MARCHF4: variants seen among roughly 807,000 people sequenced by gnomAD.
MARCHF4 encodes membrane associated ring-CH-type finger 4, also known as E3 ubiquitin-protein ligase MARCHF4.
Under a neutral mutation model 43.9 loss-of-function variants are expected in MARCHF4, and 14 were observed. The ratio of observed to expected loss-of-function variants is 0.32; its 90% CI spans 0.21 to 0.50. The LOEUF (loss-of-function observed/expected upper bound fraction) is 0.50, where lower values mean the gene tolerates loss of function less well. MARCHF4 is among the 20% of genes least tolerant of loss of function. MARCHF4 has a pLI of 0.98. For synonymous variants in MARCHF4, 226 were observed against 213.3 expected (o/e 1.06, Z -0.52); for missense variants, 468 against 536.7 (o/e 0.87, Z 1.27).
At chr2:216,336,000 G>T (rs552493454) in intron 1 of MARCHF4, among the ~76,000 whole-genome samples, 95 of 150,272 alleles carry the variant, frequency 6.3e-4, no homozygotes, top group Middle Eastern at 6.8e-3. Context: ...CCAGTGAGGT[G>T]GAGGTTGCAG....
intron 1 of MARCHF4, among the ~76,000 whole-genome samples, chr2:216,333,302 C>G (rs73066464): frequency 0.075 from 11,398 of 152,252 alleles, 531 homozygotes; most frequent in South Asian, 0.12. Context: ...CAAAAAGAGA[C>G]AGCTAACCCT....
At chr2:216,364,514 T>C (rs1692635633) in intron 1 of MARCHF4, among the ~76,000 whole-genome samples, 1 of 152,186 alleles carries the variant, frequency 6.6e-6, no homozygotes, top group Non-Finnish European at 1.5e-5. Flanking sequence ...TCAAGGAACC[T>C]CACCTCTCTT....
At chr2:216,264,990 G>A (rs1690821695) in intron 3 of MARCHF4, among the ~76,000 whole-genome samples, 1 of 152,170 alleles carries the variant, frequency 6.6e-6, no homozygotes, top group South Asian at 2.1e-4. Flanking sequence ...TTTCTTGGGT[G>A]GCAGCGTACC....
chr2:216,324,426 A>G (rs1691953929), intron 1 of MARCHF4, among the ~76,000 whole-genome samples: 1 of 151,830 alleles, frequency 6.6e-6, no homozygotes. Context: ...AACTATTCCA[A>G]TCAATAGAAA....
At chr2:216,301,490 G>A (rs2105949772) in intron 1 of MARCHF4, among the ~76,000 whole-genome samples, 1 of 152,330 alleles carries the variant, frequency 6.6e-6, no homozygotes. Context: ...CCAGTGTACT[G>A]TGTGTGTGCC....
chr2:216,336,761 A>AAAAAAAAAAAAAAAAAAAAAAAAAAAC (rs1692164210), intron 1 of MARCHF4, among the ~76,000 whole-genome samples: 2 of 149,908 alleles, frequency 1.3e-5, no homozygotes, highest in Admixed American at 1.3e-4. Flanking sequence ...AAAAAAAAAA[A>AAAAAAAAAAAAAAAAAAAAAAAAAAAC]AAAAAAGCTT....
chr2:216,295,405 G>A (rs1052213609), intron 1 of MARCHF4, among the ~76,000 whole-genome samples: 1 of 152,164 alleles, frequency 6.6e-6, no homozygotes, highest in Non-Finnish European at 1.5e-5. Context: ...GGGATTACAG[G>A]CCTGCACCAC....
chr2:216,275,615 G>T (rs941280103), intron 3 of MARCHF4, among the ~76,000 whole-genome samples: 1 of 152,184 alleles, frequency 6.6e-6, no homozygotes, highest in African/African-American at 2.4e-5. Flanking sequence ...AAGCCAGACT[G>T]GTCGATGACA....
intron 1 of MARCHF4, among the ~76,000 whole-genome samples, chr2:216,359,669 C>T (rs1220503778): frequency 6.6e-6 from 1 of 152,236 alleles, no homozygotes; most frequent in Admixed American, 6.5e-5. Context: ...AGATAAGGCA[C>T]TGAAATGAGT....
chr2:216,318,709 G>A (rs1438093118), intron 1 of MARCHF4, among the ~76,000 whole-genome samples: 1 of 152,122 alleles, frequency 6.6e-6, no homozygotes, highest in Admixed American at 6.5e-5. Context: ...AATCAGAGAG[G>A]TGCCAGGGGC....
At chr2:216,274,179 G>T (rs1005657779) in intron 3 of MARCHF4, among the ~76,000 whole-genome samples, 20 of 152,142 alleles carry the variant, frequency 1.3e-4, no homozygotes, top group African/African-American at 4.1e-4. Flanking sequence ...CATGGTTGTG[G>T]GTCTCATCTT....
intron 1 of MARCHF4, among the ~76,000 whole-genome samples, chr2:216,340,607 G>C (rs1692222414): frequency 6.6e-6 from 1 of 152,150 alleles, no homozygotes; most frequent in Non-Finnish European, 1.5e-5. Context: ...GCCTACCCTT[G>C]GTCCAGCCTC....
At chr2:216,357,640 GA>G (rs1692521958) in intron 1 of MARCHF4, among the ~76,000 whole-genome samples, 1 of 152,152 alleles carries the variant, frequency 6.6e-6, no homozygotes, top group Non-Finnish European at 1.5e-5. Flanking sequence ...TATCTTTCGT[GA>G]TGTTGAGACT....
At chr2:216,289,243 C>CA (rs1403191045) in intron 1 of MARCHF4, among the ~76,000 whole-genome samples, 2 of 131,464 alleles carry the variant, frequency 1.5e-5, no homozygotes, top group African/African-American at 5.5e-5. Context: ...ACCCGCCCCC[C>CA]ACCCAAGTTG....
At chr2:216,262,046 G>C (rs952531117) in intron 3 of MARCHF4, among the ~76,000 whole-genome samples, 1 of 152,164 alleles carries the variant, frequency 6.6e-6, no homozygotes, top group Non-Finnish European at 1.5e-5. Flanking sequence ...AGAAATGACA[G>C]CAAGAAAATC....
At chr2:216,332,569 T>A (rs1692095784) in intron 1 of MARCHF4, among the ~76,000 whole-genome samples, 1 of 151,668 alleles carries the variant, frequency 6.6e-6, no homozygotes, top group Non-Finnish European at 1.5e-5. Flanking sequence ...AGGAAAAAAA[T>A]TTTAATTAAT....
intron 1 of MARCHF4, among the ~76,000 whole-genome samples, chr2:216,348,751 C>T (rs755665168): frequency 2.6e-5 from 4 of 152,032 alleles, no homozygotes; most frequent in Non-Finnish European, 5.9e-5. Flanking sequence ...GCTAGAAATC[C>T]AAGAACCCTC....
rs1574480080 is a variant in MARCHF4, at chr2:216,332,209, G to A, written c.516+37536C>T. Among the ~76,000 whole-genome samples the A allele has an allele frequency of 2.6e-5, 4 of 152,132 alleles. No individual in the cohort carries two copies. The South Asian group carries it at 6.2e-4, about 24-fold the overall frequency. On this transcript the variant is annotated intron_variant, in intron 1 of 3. Coordinates refer to ENST00000273067, the MANE Select transcript of MARCHF4 (RefSeq NM_020814.3). ...AATTTGAGATCAGCCTGGGCAACATGGCAAAACCCTGTCTCTATTAAAAAT... is the reference window on the plus strand; with the variant it reads ...AATTTGAGATCAGCCTGGGCAACATAGCAAAACCCTGTCTCTATTAAAAAT...
intron 1 of MARCHF4, among the ~76,000 whole-genome samples, chr2:216,334,706 A>C (rs1692133243): frequency 6.6e-6 from 1 of 152,180 alleles, no homozygotes; most frequent in Non-Finnish European, 1.5e-5. Context: ...GCCTGGCCTA[A>C]AGCTGCCTGG....
Sources: allele counts gnomAD v4.1 joint callset (sites outside exome capture counted in the v4.1 genomes callset), GRCh38; gene constraint gnomAD v4.1.1; transcripts MANE v1.5; gene names NCBI Gene and HGNC (gene_info 2026-07-23, HGNC 2026-07-21).